The following CHADL variants were observed in gnomAD, a reference collection of about 807,000 sequenced individuals.
CHADL encodes chondroadherin like.
CHADL carries 48 observed loss-of-function variants against 52.1 expected under a neutral mutation model. That is an observed-to-expected ratio of 0.92 (90% confidence interval 0.73 to 1.17). CHADL has a LOEUF of 1.17. Ranked by LOEUF, CHADL falls within the 50% of genes most tolerant of loss-of-function variation. CHADL has a pLI of 0.00. For missense variants in CHADL, 977 were observed against 1,035.1 expected, an observed-to-expected ratio of 0.94 and a Z score of 0.77; for synonymous variants, 498 against 511.2, an observed-to-expected ratio of 0.97 and a Z score of 0.35.
rs771109470 is a variant in CHADL, at chr22:41,240,907, T to C, written c.-26A>G. On this transcript the variant is annotated 5_prime_UTR_variant, in exon 1 of 6. Transcript: ENST00000216241. ...GCCGCCTGGAACTGCTGGTCCAGCCTGGAGGCGCAGCGCAGGGACAGGCTG... is the reference window on the plus strand; with the variant it reads ...GCCGCCTGGAACTGCTGGTCCAGCCCGGAGGCGCAGCGCAGGGACAGGCTG... 137 of 1,547,940 alleles carry C rather than the reference T, an allele frequency of 8.9e-5. No individual in the cohort carries two copies. The highest frequency in any genetic ancestry group is 1.1e-4 in the Non-Finnish European group (128 of 1,146,396).
chr22:41,237,422 GA>G lies in CHADL; in HGVS notation c.1649del (p.Val550AlafsTer3). ...CGGTGATGCGGTTTCCACTCAGGTA[GA>G]CCCAGCGCAAGGCCCGTGTTCTCCC... The part of the protein sequence containing the change: ...DLGRTRALRW[V>X]YLSGNRITEV... On this transcript the variant is annotated frameshift_variant, in exon 3 of 6. Transcript: ENST00000216241. LOFTEE classifies it high-confidence loss of function. 1.3e-6 allele frequency: 2 copies of G among 1,550,552 alleles called. No homozygotes were observed. Among genetic ancestry groups the G allele is most frequent in the Non-Finnish European group, 1.7e-6 (2 of 1,146,962 alleles).
intron 5 of CHADL, among the ~76,000 whole-genome samples, chr22:41,232,069 A>G (rs1033814719): frequency 1.3e-5 from 2 of 152,182 alleles, no homozygotes; most frequent in South Asian, 4.1e-4. Context: ...GCGGTGGCTC[A>G]CGCCTGTAAT....
chr22:41,230,387 G>A (rs2032519198), intron 5 of CHADL: 7 of 669,214 alleles, frequency 1.0e-5, no homozygotes, highest in Non-Finnish European at 1.8e-5. Flanking sequence ...TGTGAAGGCT[G>A]GACGGTGGAG....
chr22:41,240,802 G>T (rs749539830), intron 1 of CHADL, 72 bp downstream of exon 1: 11 of 1,526,604 alleles, frequency 7.2e-6, no homozygotes, highest in Non-Finnish European at 9.8e-6. Flanking sequence ...AGGCCCAGAG[G>T]GGGCAGAGAC....
chr22:41,238,771 C>T lies in CHADL; in HGVS notation c.301G>A (p.Val101Met), dbSNP rs1386721758. The change falls in exon 3 of 6, where the codon GTG becomes ATG. Residue 101 changes from valine to methionine, a missense_variant. Physicochemically the swap from Val to Met is conservative, Grantham distance 21 (BLOSUM62 1). Transcript: ENST00000216241. This position sits in a 1 kb window ranked among gnomAD's most constrained non-coding sequence, Gnocchi z 4.9. ...AGGCCACGGAAGGCGCCCTCGGCCACCAGCTCCACCTCGCAGTGGCGCAGG... is the reference window on the plus strand; with the variant it reads ...AGGCCACGGAAGGCGCCCTCGGCCATCAGCTCCACCTCGCAGTGGCGCAGG... ...LDLRHCEVEL[V>M]AEGAFRGLGR... is the part of the protein sequence containing the mutation. 1.4e-5 allele frequency: 22 copies of T among 1,549,468 alleles called. No homozygotes were observed. The highest frequency in any genetic ancestry group is 1.1e-4 in the African/African-American group (8 of 73,052).
chr22:41,238,456 GC>G lies in CHADL; in HGVS notation c.615del (p.Ala207ProfsTer2). 3 of 1,530,076 alleles carry G rather than the reference GC, an allele frequency of 2.0e-6. No homozygotes were observed. In the African/African-American group the frequency reaches 4.1e-5, roughly 21 times the overall value. 94.8% of individuals were successfully genotyped at this position (1,530,076 alleles called of 1,614,324 possible). A position where few individuals can be genotyped will look rare whatever the true frequency, so the allele number is the denominator to read the frequency against. ...SVLAPEALAG[L>X]PALRRLSLHH... ...TGTAGGCTGAGCCGTCTCAGGGCGG[GC>G]AGGCCAGCCAGGGCCTCGGGGGCCA... On this transcript the variant is annotated frameshift_variant, in exon 3 of 6. Transcript: ENST00000216241. LOFTEE classifies it high-confidence loss of function. This position sits in a 1 kb window ranked among gnomAD's most constrained non-coding sequence, Gnocchi z 4.9.
chr22:41,240,775 G>A (rs1407360388), intron 1 of CHADL, 99 bp downstream of exon 1: 3 of 1,431,604 alleles, frequency 2.1e-6, no homozygotes, highest in Non-Finnish European at 2.9e-6. Flanking sequence ...CAGAGCCCCT[G>A]CCCGCCAGCC....
intron 1 of CHADL, among the ~76,000 whole-genome samples, chr22:41,240,287 C>T (rs889396570): frequency 3.3e-5 from 5 of 152,166 alleles, no homozygotes; most frequent in Non-Finnish European, 7.4e-5. Flanking sequence ...GACAGGGTCT[C>T]GCTATGTTGC....
At position 41,237,860 on chromosome 22, in the gene CHADL, G is replaced by C. The variant is rs1176877171; in HGVS notation, c.1212C>G (p.Pro404=). Residue 404 remains proline, a synonymous_variant, in exon 3 of 6, where the codon CCC becomes CCG. Transcript: ENST00000216241. Reference sequence around the variant, plus strand: ...CCTCGCAGCTGCTGTGCCGGGACTCGGGGACGCACACGCAGGCGCGAGGGC... The same window carrying C: ...CCTCGCAGCTGCTGTGCCGGGACTCCGGGACGCACACGCAGGCGCGAGGGC... ...APCPRACVCV[P]ESRHSSCEGC... is the part of the protein sequence containing the mutation. 2.1e-6 allele frequency: 3 copies of C among 1,416,166 alleles called. No homozygotes were observed. The highest frequency in any genetic ancestry group is 2.8e-6 in the Non-Finnish European group (3 of 1,089,780). 87.7% of individuals were successfully genotyped at this position (1,416,166 alleles called of 1,614,324 possible).
Position 41,237,924 on chromosome 22 carries a change from G to A in CHADL, c.1148C>T (p.Pro383Leu), listed in dbSNP as rs1244857732. ...CCGCTCCTCCCCGGGGCCGCGCGGA[G>A]GGCCGCGCGGAGGGGCGCGGGGCCC... The part of the protein sequence containing the change: ...VAGPRAPPRG[P>L]PRGPGEERAV... The change falls in exon 3 of 6, where the codon CCT (proline) becomes CTT (leucine). Residue 383 changes from proline (P) to leucine (L), a missense_variant. Physicochemically the swap from Pro to Leu is moderately conservative, Grantham distance 98. Transcript: ENST00000216241. The A allele has an allele frequency of 4.7e-6, 6 of 1,279,702 alleles. No homozygotes were observed. The South Asian group carries it at 8.3e-5, about 18-fold the overall frequency. 79.3% of individuals were successfully genotyped at this position (1,279,702 alleles called of 1,614,324 possible).
At position 41,233,376 on chromosome 22, in the gene CHADL, C is replaced by T. The variant is rs192099435; in HGVS notation, c.2262+1769G>A. Among the ~76,000 whole-genome samples the T allele has an allele frequency of 2.6e-5, 4 of 151,964 alleles. 1 individual carries two copies. Among genetic ancestry groups the T allele is most frequent in the Non-Finnish European group, 5.9e-5 (4 of 68,014 alleles). On this transcript the variant is annotated intron_variant, in intron 5 of 5. Transcript: ENST00000216241. ...ACTTGGGAGGCTGAGGCAGGAGAGTCGCTTGAACCCAGGAGGCAGAGGGTG... is the reference window on the plus strand; with the variant it reads ...ACTTGGGAGGCTGAGGCAGGAGAGTTGCTTGAACCCAGGAGGCAGAGGGTG...
chr22:41,230,315 C>T (rs1237021020), intron 5 of CHADL: 2 of 1,172,236 alleles, frequency 1.7e-6, no homozygotes, highest in African/African-American at 1.5e-5. Flanking sequence ...ACCACCACCA[C>T]CATGCCTCCA....
intron 2 of CHADL, 47 bp downstream of exon 2, chr22:41,239,396 C>G: frequency 6.6e-7 from 1 of 1,525,842 alleles, no homozygotes; most frequent in Non-Finnish European, 8.8e-7. Flanking sequence ...TCTGGGTCCC[C>G]ACCTTGCCCC....
At chr22:41,239,251 G>C (rs1203912200) in intron 2 of CHADL, among the ~76,000 whole-genome samples, 192 bp downstream of exon 2, 5 of 152,240 alleles carry the variant, frequency 3.3e-5, no homozygotes, top group Admixed American at 2.6e-4. Context: ...ATTTTAAATA[G>C]ATCATCTCCC....
Position 41,240,888 on chromosome 22 carries a change from TG to T in CHADL, c.-8del. The T allele has an allele frequency of 6.5e-7, 1 of 1,549,874 alleles. No homozygotes were observed. The stretch of plus-strand genomic sequence containing the variant: ...CAAAGACTCACCCCTCCATGCCGCC[TG>T]GAACTGCTGGTCCAGCCTGGAGGCG... On this transcript the variant is annotated 5_prime_UTR_variant, in exon 1 of 6. Transcript: ENST00000216241.
chr22:41,239,476 C>T lies in CHADL; in HGVS notation c.153G>A (p.Gln51=), dbSNP rs953500097. 1.4e-5 allele frequency: 22 copies of T among 1,551,034 alleles called. No homozygotes were observed. The East Asian group carries it at 5.4e-4, about 38-fold the overall frequency. Residue 51 remains glutamine, a synonymous_variant, in exon 2 of 6, where the codon CAG becomes CAA. Coordinates refer to ENST00000216241, the MANE Select transcript of CHADL (RefSeq NM_138481.2). ...NSRRHVACRY[Q]NLTEVPDAIP... ...TGGCGTCTGGCACCTCAGTGAGGTT[C>T]TGGTACCGGCAGGCAACGTGTCGCC...
At position 41,238,118 on chromosome 22, in the gene CHADL, C is replaced by A. The variant is rs951561333; in HGVS notation, c.954G>T (p.Ala318=). 114 of 1,343,434 alleles carry A rather than the reference C, an allele frequency of 8.5e-5. No homozygotes were observed. Among genetic ancestry groups the A allele is most frequent in the Non-Finnish European group, 9.6e-5 (101 of 1,055,586 alleles). The allele number at this position is 1,343,434 out of a possible 1,614,324, so 83.2% of individuals were successfully genotyped here. Residue 318 remains alanine, a synonymous_variant, in exon 3 of 6, where the codon GCG becomes GCT. Coordinates refer to ENST00000216241, the MANE Select transcript of CHADL (RefSeq NM_138481.2). This position sits in a 1 kb window ranked among gnomAD's most constrained non-coding sequence, Gnocchi z 4.9. ...GCGCCAGCCACTCGAGTAGGGGCCG[C>A]GCCTGGCAGCCGCACCACAGCGGAT... ...QGNPLWCGCQ[A]RPLLEWLARA...
At chr22:41,233,021 AC>A (rs1349416474) in intron 5 of CHADL, among the ~76,000 whole-genome samples, 2 of 152,184 alleles carry the variant, frequency 1.3e-5, no homozygotes, top group Admixed American at 1.3e-4. Flanking sequence ...TTATAGACTG[AC>A]TTGTGCCCAT....
At position 41,232,193 on chromosome 22, in the gene CHADL, G is replaced by A. The variant is rs368477368; in HGVS notation, c.2263-2463C>T. Among the ~76,000 whole-genome samples the A allele has an allele frequency of 9.3e-4, 141 of 152,064 alleles. 1 individual carries two copies. The highest frequency in any genetic ancestry group is 4.8e-3 in the East Asian group (25 of 5,160). ...TAAAAATACAAAAAATTAGCCGGGC[G>A]TGGTGGCAGTCACCTGTAATCCCAG... On this transcript the variant is annotated intron_variant, in intron 5 of 5. Transcript: ENST00000216241.
Sources: allele counts gnomAD v4.1 joint callset (sites outside exome capture counted in the v4.1 genomes callset), GRCh38; gene constraint gnomAD v4.1.1; non-coding constraint Gnocchi (gnomAD v3.1); transcripts MANE v1.5; gene names NCBI Gene and HGNC (gene_info 2026-07-23, HGNC 2026-07-21).